SLC25A28: variants seen among roughly 807,000 people sequenced by gnomAD.
SLC25A28 encodes mitoferrin-2.
SLC25A28 carries 10 observed loss-of-function variants against 31.9 expected under a neutral mutation model. The observed-to-expected ratio is 0.31, with a 90% confidence interval of 0.19 to 0.53. The LOEUF (loss-of-function observed/expected upper bound fraction) is 0.53. SLC25A28 is among the 20% of genes least tolerant of loss of function. SLC25A28 has a pLI of 0.95. For synonymous variants in SLC25A28, 208 were observed against 203.6 expected, an observed-to-expected ratio of 1.02 and a Z score of -0.19; for missense variants, 256 against 490.3, an observed-to-expected ratio of 0.52 and a Z score of 4.51.
chr10:99,623,384 G>A (rs1269197654), upstream of SLC25A28, among the ~76,000 whole-genome samples: 1 of 152,138 alleles, frequency 6.6e-6, no homozygotes, highest in Non-Finnish European at 1.5e-5. Context: ...CCTCCAAAAT[G>A]TTCGTTTTCC....
At chr10:99,654,421 T>C in the SLC25A28 span, among the ~76,000 whole-genome samples, 1 of 152,124 alleles carries the variant, frequency 6.6e-6, no homozygotes, top group African/African-American at 2.4e-5. Flanking sequence ...TATAAGATGG[T>C]TACAGCAGCT....
intron 1 of SLC25A28, among the ~76,000 whole-genome samples, chr10:99,619,579 G>A (rs2034735756): frequency 6.6e-6 from 1 of 152,194 alleles, no homozygotes; most frequent in Non-Finnish European, 1.5e-5. Context: ...AGAGATCCCA[G>A]ATTCGGGTTC....
rs1439773817 is a variant in SLC25A28 at position 99,610,572 on chromosome 10, C to G, written c.*277G>C. The G allele has an allele frequency of 1.8e-5, 8 of 453,676 alleles. No homozygotes were observed. The highest frequency in any genetic ancestry group is 4.0e-6 in the Non-Finnish European group (1 of 249,924). 28.1% of individuals were successfully genotyped at this position (453,676 alleles called of 1,614,324 possible). A position where few individuals can be genotyped will look rare whatever the true frequency, so the allele number is the denominator to read the frequency against. On this transcript the variant is annotated 3_prime_UTR_variant, in exon 4 of 4. Transcript: ENST00000370495. ...AACCAGGGGAATGAGCTGCTTATCC[C>G]TCTATAACAGTCTAGAGCAGGTCAT...
the SLC25A28 span, among the ~76,000 whole-genome samples, chr10:99,640,277 T>C: frequency 6.6e-6 from 1 of 152,180 alleles, no homozygotes. Context: ...ACCTGAAAGA[T>C]TGACTGGGGA....
the SLC25A28 span, among the ~76,000 whole-genome samples, chr10:99,635,329 A>G: frequency 2.0e-5 from 3 of 152,198 alleles, no homozygotes; most frequent in African/African-American, 7.2e-5. Context: ...CAATACTAAC[A>G]TTGAATGTAA....
At chr10:99,639,691 C>A in the SLC25A28 span, among the ~76,000 whole-genome samples, 1 of 141,426 alleles carries the variant, frequency 7.1e-6, no homozygotes, top group South Asian at 2.5e-4. Context: ...TGGCACTGAT[C>A]TTATTCCAAG....
Position 99,620,071 on chromosome 10 carries a change from C to T in SLC25A28, c.265G>A (p.Val89Met). The T allele has an allele frequency of 1.3e-6, 2 of 1,582,220 alleles. No homozygotes were observed. The highest frequency in any genetic ancestry group is 1.4e-5 in the African/African-American group (1 of 73,064). The change falls in exon 1 of 4, where the codon GTG becomes ATG. Residue 89 changes from valine (V) to methionine (M), a missense_variant. By Grantham distance (21) the Val-to-Met change is conservative. Around this residue, in one of 4 missense-constraint regions of SLC25A28, gnomAD observed 158 missense variants for 379.1 expected, o/e 0.42. Coordinates refer to ENST00000370495, the MANE Select transcript of SLC25A28 (RefSeq NM_031212.4). ...TTGACGCAGTCGATGGGGTACATCA[C>T]GCAGTGCTCCAGGATCCCTGCCACG... ...GAVAGILEHC[V>M]MYPIDCVKTR...
the SLC25A28 span, among the ~76,000 whole-genome samples, chr10:99,650,970 A>G: frequency 3.3e-5 from 5 of 152,210 alleles, no homozygotes; most frequent in Non-Finnish European, 7.4e-5. Context: ...AATTTTAGGC[A>G]GCTCCATATA....
upstream of SLC25A28, among the ~76,000 whole-genome samples, chr10:99,622,073 CTG>C (rs2034806983): frequency 6.6e-6 from 1 of 152,180 alleles, no homozygotes; most frequent in Non-Finnish European, 1.5e-5. Context: ...GACCCCAACA[CTG>C]TGAAGGCCGA....
chr10:99,638,939 A>G, the SLC25A28 span, among the ~76,000 whole-genome samples: 1 of 152,198 alleles, frequency 6.6e-6, no homozygotes, highest in African/African-American at 2.4e-5. Context: ...ACTATTGGGT[A>G]TCTACTCAGA....
rs2133333954 is a variant in SLC25A28, at chr10:99,611,731, T to C, written c.578-365A>G. 6.6e-6 allele frequency among the ~76,000 whole-genome samples: 1 copy of C among 152,274 alleles called. No individual in the cohort carries two copies. Among genetic ancestry groups the C allele is most frequent in the South Asian group, 2.1e-4 (1 of 4,818 alleles). ...ACAAGAAATGACTCCATGATAGTGA[T>C]CATCACGAACACAGGCCCCTAACAA... On this transcript the variant is annotated intron_variant, in intron 3 of 3. Coordinates refer to ENST00000370495, the MANE Select transcript of SLC25A28 (RefSeq NM_031212.4). This position sits in a 1 kb window ranked among gnomAD's most constrained non-coding sequence, Gnocchi z 5.5.
At chr10:99,625,582 CAT>C (rs903238745), upstream of SLC25A28, among the ~76,000 whole-genome samples, 2 of 152,146 alleles carry the variant, frequency 1.3e-5, no homozygotes, top group Non-Finnish European at 2.9e-5. Context: ...TGAGACCACT[CAT>C]TTTTTTTCTT....
At chr10:99,617,141 C>A (rs4919368) in intron 1 of SLC25A28, 856,398 of 985,288 alleles carry the variant, frequency 0.87, 372,657 homozygotes, top group Middle Eastern at 0.9. Flanking sequence ...GTGGGTACTT[C>A]GCCAGAGGAT....
At chr10:99,625,561 A>G (rs2034868335), upstream of SLC25A28, among the ~76,000 whole-genome samples, 1 of 152,148 alleles carries the variant, frequency 6.6e-6, no homozygotes, top group African/African-American at 2.4e-5. Flanking sequence ...GTAATTTTCT[A>G]CATCTCTCTA....
the SLC25A28 span, among the ~76,000 whole-genome samples, chr10:99,644,970 T>C: frequency 6.6e-6 from 1 of 152,228 alleles, no homozygotes; most frequent in Non-Finnish European, 1.5e-5. Context: ...GACCTTTCTC[T>C]CTGGCTGCCC....
At chr10:99,659,283 G>A in the SLC25A28 span, among the ~76,000 whole-genome samples, 1 of 152,244 alleles carries the variant, frequency 6.6e-6, no homozygotes, top group African/African-American at 2.4e-5. This position sits in a 1 kb window ranked among gnomAD's most constrained non-coding sequence, Gnocchi z 4.1. Context: ...CGGAGCCTCG[G>A]TACGACGCCT....
chr10:99,618,492 G>T, intron 1 of SLC25A28: 1 of 985,318 alleles, frequency 1.0e-6, no homozygotes, highest in African/African-American at 1.7e-5. Context: ...TGGATATACG[G>T]CATTATTAAC....
the SLC25A28 span, among the ~76,000 whole-genome samples, chr10:99,642,330 T>C: frequency 3.3e-5 from 5 of 151,956 alleles, no homozygotes; most frequent in East Asian, 1.9e-4. Flanking sequence ...TTTGAAGCAA[T>C]TGTGTATGGT....
At chr10:99,625,767 G>T in the SLC25A28 span, among the ~76,000 whole-genome samples, 3 of 152,206 alleles carry the variant, frequency 2.0e-5, no homozygotes, top group East Asian at 1.9e-4. Flanking sequence ...TAAAAGAAAA[G>T]GATATGTTCT....
Sources: gnomAD v4.1 joint callset for allele counts (sites outside exome capture counted in the v4.1 genomes callset) on GRCh38, gnomAD v4.1.1 for gene constraint, gnomAD v4.1.1 regional missense constraint, Gnocchi (gnomAD v3.1) non-coding constraint, MANE v1.5 for transcripts, NCBI Gene and HGNC (gene_info 2026-07-23, HGNC 2026-07-21) for gene names.